Variants in PRKN observed in about 807,000 individuals in gnomAD.
PRKN encodes the protein E3 ubiquitin-protein ligase parkin.
In PRKN, 56 loss-of-function variants were observed where a neutral mutation model predicts 59.5. That is an observed-to-expected ratio of 0.94 (90% CI 0.76 to 1.18). The LOEUF is 1.18. PRKN is among the 50% of genes most tolerant of loss of function. PRKN has a pLI of 0.00. For synonymous variants in PRKN, 250 were observed against 222.1 expected, an observed-to-expected ratio of 1.13 and a Z score of -1.12; for missense variants, 657 against 596.4, an observed-to-expected ratio of 1.10 and a Z score of -1.06.
chr6:161,537,735 G>C (rs1043198343), intron 9 of PRKN, among the ~76,000 whole-genome samples: 1 of 152,210 alleles, frequency 6.6e-6, no homozygotes, highest in East Asian at 1.9e-4. Context: ...ACAGGCGTGA[G>C]CCACTGCGCC....
chr6:161,583,297 A>G (rs967880809), intron 7 of PRKN, among the ~76,000 whole-genome samples: 1 of 152,194 alleles, frequency 6.6e-6, no homozygotes, highest in East Asian at 1.9e-4. Context: ...AAATGGTGTT[A>G]AGCTGTTCTA....
At chr6:162,168,358 A>G (rs1199966204) in intron 4 of PRKN, among the ~76,000 whole-genome samples, 2 of 151,906 alleles carry the variant, frequency 1.3e-5, no homozygotes, top group Admixed American at 1.3e-4. Flanking sequence ...TTTCCTTTCC[A>G]AATTTTTTTT....
chr6:162,068,814 A>C (rs1388607860), intron 4 of PRKN, among the ~76,000 whole-genome samples: 1 of 78,974 alleles, frequency 1.3e-5, no homozygotes. Flanking sequence ...GAGCATGTAC[A>C]GGAGGTGGTG....
chr6:162,384,660 A>C (rs1250206170), intron 2 of PRKN, among the ~76,000 whole-genome samples: 5 of 143,932 alleles, frequency 3.5e-5, no homozygotes, highest in Non-Finnish European at 6.0e-5. Context: ...AAAAAAAAAA[A>C]AACAAAAAAA....
At chr6:162,412,339 G>C (rs1788392318) in intron 2 of PRKN, among the ~76,000 whole-genome samples, 1 of 152,030 alleles carries the variant, frequency 6.6e-6, no homozygotes, top group Non-Finnish European at 1.5e-5. Context: ...GAGGATTCTA[G>C]GGTACGATGA....
At chr6:162,022,222 T>C (rs1306636567) in intron 5 of PRKN, among the ~76,000 whole-genome samples, 1 of 152,160 alleles carries the variant, frequency 6.6e-6, no homozygotes, top group Non-Finnish European at 1.5e-5. Context: ...GATTGCAGGG[T>C]TGAATGGGAG....
At chr6:162,602,831 CT>C (rs1400198583) in intron 1 of PRKN, among the ~76,000 whole-genome samples, 1 of 150,450 alleles carries the variant, frequency 6.6e-6, no homozygotes, top group East Asian at 1.9e-4. Context: ...AGAGAGTGGC[CT>C]TTTAGAAAGC....
intron 6 of PRKN, among the ~76,000 whole-genome samples, chr6:161,798,307 A>G (rs1255691156): frequency 6.6e-6 from 1 of 152,180 alleles, no homozygotes; most frequent in Non-Finnish European, 1.5e-5. Flanking sequence ...CACCCAGCAC[A>G]TGGGATGCAG....
At chr6:162,412,486 G>C (rs1469192974) in intron 2 of PRKN, among the ~76,000 whole-genome samples, 1 of 151,788 alleles carries the variant, frequency 6.6e-6, no homozygotes, top group Non-Finnish European at 1.5e-5. Flanking sequence ...ACAAGCAGAA[G>C]AACAACACGG....
chr6:161,912,474 C>T (rs999892742), intron 6 of PRKN, among the ~76,000 whole-genome samples: 4 of 150,990 alleles, frequency 2.6e-5, no homozygotes, highest in African/African-American at 4.9e-5. Flanking sequence ...GAGAATGTGA[C>T]GGACGCTTCA....
At chr6:161,741,401 G>A (rs737631) in intron 7 of PRKN, among the ~76,000 whole-genome samples, 43,075 of 152,038 alleles carry the variant, frequency 0.28, 6,382 homozygotes, top group Admixed American at 0.32. Context: ...GAAACTGAAC[G>A]GAGTTGACAC....
intron 6 of PRKN, among the ~76,000 whole-genome samples, chr6:161,895,409 G>A (rs1452964955): frequency 1.3e-5 from 2 of 152,218 alleles, no homozygotes; most frequent in Non-Finnish European, 2.9e-5. Context: ...CTGACAAGGT[G>A]TGCAGGTGGC....
At chr6:161,978,957 T>TA (rs1781157586) in intron 5 of PRKN, among the ~76,000 whole-genome samples, 1 of 151,488 alleles carries the variant, frequency 6.6e-6, no homozygotes, top group African/African-American at 2.4e-5. Flanking sequence ...TTACGGCGGG[T>TA]AAACTGAGTC....
At chr6:162,461,498 T>TAAAAA (rs1791164364) in intron 1 of PRKN, among the ~76,000 whole-genome samples, 1 of 7,410 alleles carries the variant, frequency 1.3e-4, no homozygotes, top group African/African-American at 4.5e-4. Flanking sequence ...TTAAAGTGTC[T>TAAAAA]CAAAAAAAAA....
intron 6 of PRKN, among the ~76,000 whole-genome samples, chr6:161,875,655 A>G (rs1363968677): frequency 6.6e-6 from 1 of 152,132 alleles, no homozygotes; most frequent in Non-Finnish European, 1.5e-5. Flanking sequence ...ACTAACATTT[A>G]GAAGAGGCTC....
At chr6:162,100,807 T>A (rs1238811651) in intron 4 of PRKN, among the ~76,000 whole-genome samples, 1 of 152,224 alleles carries the variant, frequency 6.6e-6, no homozygotes, top group Non-Finnish European at 1.5e-5. Context: ...GTGGTTTTAA[T>A]GATAATTTTT....
At chr6:162,553,199 T>C (rs1779399584) in intron 1 of PRKN, among the ~76,000 whole-genome samples, 1 of 152,132 alleles carries the variant, frequency 6.6e-6, no homozygotes, top group Non-Finnish European at 1.5e-5. Flanking sequence ...AGGAACAACC[T>C]CTTTGATGAG....
At chr6:161,661,531 C>T (rs1035379732) in intron 7 of PRKN, among the ~76,000 whole-genome samples, 3 of 147,740 alleles carry the variant, frequency 2.0e-5, no homozygotes, top group Non-Finnish European at 4.5e-5. Flanking sequence ...CCACTACCTG[C>T]CCCAGCCTCT....
chr6:162,522,341 C>G (rs1778111339), intron 1 of PRKN, among the ~76,000 whole-genome samples: 1 of 152,182 alleles, frequency 6.6e-6, no homozygotes. Context: ...CCAGGCTGGT[C>G]TCGAACTTGT....
Sources: gnomAD v4.1 joint callset for allele counts (sites outside exome capture counted in the v4.1 genomes callset) on GRCh38, gnomAD v4.1.1 for gene constraint, MANE v1.5 for transcripts, NCBI Gene and HGNC (gene_info 2026-07-23, HGNC 2026-07-21) for gene names.